Variants in CNTN5 observed in about 807,000 individuals in gnomAD.
CNTN5 encodes the protein contactin-5.
A neutral mutation model predicts 129.1 loss-of-function variants in CNTN5; 77 were observed. The ratio of observed to expected loss-of-function variants is 0.60; its 90% CI spans 0.50 to 0.72. The LOEUF is 0.72. Ranked by LOEUF, CNTN5 falls within the 30% of genes least tolerant of loss-of-function variation. The pLI, the probability that CNTN5 is intolerant of heterozygous loss-of-function variation, is 0.00. For synonymous variants in CNTN5, 509 were observed against 465.6 expected, an observed-to-expected ratio of 1.09 and a Z score of -1.20; for missense variants, 1,478 against 1,328.8, an observed-to-expected ratio of 1.11 and a Z score of -1.75.
intron 3 of CNTN5, among the ~76,000 whole-genome samples, chr11:99,723,170 G>T (rs911017535): frequency 2.6e-5 from 4 of 151,618 alleles, no homozygotes; most frequent in African/African-American, 9.7e-5. Context: ...AATTGATTCT[G>T]TGCATATTCC....
Position 99,992,149 on chromosome 11 carries a change from A to T in CNTN5, c.878-9885A>T, listed in dbSNP as rs542089730. Reference sequence around the variant, plus strand: ...CGAAAATGATCAGCTAAACCTTTCCAACTCATTAGTCCAGCCAAATTCTCA... The same window carrying T: ...CGAAAATGATCAGCTAAACCTTTCCTACTCATTAGTCCAGCCAAATTCTCA... On this transcript the variant is annotated intron_variant, in intron 8 of 24. Coordinates refer to ENST00000524871, the MANE Select transcript of CNTN5 (RefSeq NM_014361.4). 2.0e-5 allele frequency among the ~76,000 whole-genome samples: 3 copies of T among 152,360 alleles called. No homozygotes were observed. In the East Asian group the frequency reaches 5.8e-4, roughly 29 times the overall value.
At chr11:100,337,649 AT>A in intron 21 of CNTN5, 1 of 668,672 alleles carries the variant, frequency 1.5e-6, no homozygotes, top group Admixed American at 1.8e-5. Flanking sequence ...GGTACCTGAG[AT>A]TTTTTACAGC....
At chr11:100,100,879 C>T (rs1945197790) in intron 13 of CNTN5, among the ~76,000 whole-genome samples, 1 of 152,038 alleles carries the variant, frequency 6.6e-6, no homozygotes, top group Non-Finnish European at 1.5e-5. Context: ...TAAATTTAGA[C>T]ATTTTTCTGA....
chr11:99,458,738 T>G (rs947084674), intron 2 of CNTN5, among the ~76,000 whole-genome samples: 1 of 151,942 alleles, frequency 6.6e-6, no homozygotes, highest in Non-Finnish European at 1.5e-5. Flanking sequence ...CTTGGTATAG[T>G]GAGTCATTTC....
chr11:99,611,082 G>C (rs545303504), intron 3 of CNTN5, among the ~76,000 whole-genome samples: 1 of 152,228 alleles, frequency 6.6e-6, no homozygotes, highest in African/African-American at 2.4e-5. Context: ...TTAATGTGAT[G>C]CAAATGATTT....
chr11:100,169,249 C>G (rs1947750869), intron 13 of CNTN5, among the ~76,000 whole-genome samples: 1 of 151,952 alleles, frequency 6.6e-6, no homozygotes, highest in Non-Finnish European at 1.5e-5. Context: ...GAGAGAAGCT[C>G]TGTTGGGTGA....
intron 3 of CNTN5, among the ~76,000 whole-genome samples, chr11:99,808,302 C>T (rs2135507611): frequency 6.6e-6 from 1 of 152,158 alleles, no homozygotes; most frequent in Non-Finnish European, 1.5e-5. Context: ...CACTTGATGT[C>T]TTTGTTTCAA....
At chr11:99,098,439 C>A (rs966219043) in intron 1 of CNTN5, among the ~76,000 whole-genome samples, 21 of 151,950 alleles carry the variant, frequency 1.4e-4, no homozygotes, top group African/African-American at 4.3e-4. Flanking sequence ...CTTACATAGA[C>A]CACAACACTA....
At chr11:99,842,576 C>G (rs1197601695) in intron 4 of CNTN5, among the ~76,000 whole-genome samples, 1 of 152,112 alleles carries the variant, frequency 6.6e-6, no homozygotes, top group African/African-American at 2.4e-5. Context: ...CAGGAGTTGT[C>G]TATAACACTT....
chr11:99,844,332 AT>A (rs1235438313), intron 4 of CNTN5, among the ~76,000 whole-genome samples: 9 of 152,158 alleles, frequency 5.9e-5, no homozygotes, highest in Admixed American at 2.6e-4. Context: ...ATGTTACATC[AT>A]TTTTTTACAC....
chr11:99,816,387 T>C lies in CNTN5; in HGVS notation c.56-3157T>C, dbSNP rs61911597. On this transcript the variant is annotated intron_variant, in intron 3 of 24. Transcript: ENST00000524871. Reference sequence around the variant, plus strand: ...GACGAACCTGCGTCTTCCTTACGTCTGCAGAATCTTAACATCAACATGAAT... The same window carrying C: ...GACGAACCTGCGTCTTCCTTACGTCCGCAGAATCTTAACATCAACATGAAT... Among the ~76,000 whole-genome samples, 575 of 152,288 alleles carry C rather than the reference T, an allele frequency of 3.8e-3. 4 individuals carry two copies. Among genetic ancestry groups the C allele is most frequent in the Middle Eastern group, 6.8e-3 (2 of 294 alleles).
intron 6 of CNTN5, among the ~76,000 whole-genome samples, chr11:99,891,057 T>C (rs992445603): frequency 7.9e-5 from 12 of 152,106 alleles, no homozygotes; most frequent in African/African-American, 2.2e-4. Context: ...ATGACAACAA[T>C]GTAATATGGT....
At chr11:100,166,852 T>G (rs1336124894) in intron 13 of CNTN5, among the ~76,000 whole-genome samples, 1 of 151,828 alleles carries the variant, frequency 6.6e-6, no homozygotes, top group Non-Finnish European at 1.5e-5. Context: ...GGATCAGTTA[T>G]CTTAGTTTTA....
intron 13 of CNTN5, among the ~76,000 whole-genome samples, chr11:100,130,838 A>T (rs1450601432): frequency 1.3e-5 from 2 of 152,064 alleles, no homozygotes; most frequent in East Asian, 1.9e-4. Context: ...GGCGGGGGAA[A>T]ATTGGGCAAT....
At chr11:99,644,794 TACTC>T (rs1218340331) in intron 3 of CNTN5, among the ~76,000 whole-genome samples, 2 of 152,124 alleles carry the variant, frequency 1.3e-5, no homozygotes, top group African/African-American at 4.8e-5. Flanking sequence ...TTTATTCTGA[TACTC>T]AAAGAATAAA....
In CNTN5 at chr11:99,820,908, T is replaced by C. The variant is rs530459672; in HGVS notation, c.277+1143T>C. ...ATTCTGGGAATGTCAATTATTAGGT[T>C]GTGGTGCCAGGTGCAGGCAAACTTA... On this transcript the variant is annotated intron_variant, in intron 4 of 24. Transcript: ENST00000524871. Among the ~76,000 whole-genome samples the C allele has an allele frequency of 2.0e-5, 3 of 152,332 alleles. No individual in the cohort carries two copies. The South Asian group carries it at 6.2e-4, about 32-fold the overall frequency.
chr11:99,448,906 G>C (rs1325086918), intron 2 of CNTN5, among the ~76,000 whole-genome samples: 1 of 151,120 alleles, frequency 6.6e-6, no homozygotes, highest in African/African-American at 2.4e-5. Context: ...CCAGCCTCCC[G>C]AGTAGCTGGG....
intron 3 of CNTN5, among the ~76,000 whole-genome samples, chr11:99,632,982 C>T (rs541291504): frequency 6.6e-6 from 1 of 151,960 alleles, no homozygotes; most frequent in Non-Finnish European, 1.5e-5. Flanking sequence ...GGAAATGTAA[C>T]TGTTTGCATG....
chr11:99,469,436 G>A (rs1945084937), intron 2 of CNTN5, among the ~76,000 whole-genome samples: 1 of 151,924 alleles, frequency 6.6e-6, no homozygotes, highest in South Asian at 2.1e-4. Flanking sequence ...TATTTTAAAA[G>A]TTGAATTATT....
Sources: gnomAD v4.1 joint callset for allele counts (sites outside exome capture counted in the v4.1 genomes callset) on GRCh38, gnomAD v4.1.1 for gene constraint, MANE v1.5 for transcripts, NCBI Gene and HGNC (gene_info 2026-07-23, HGNC 2026-07-21) for gene names.